Variants in ZNF516 observed in about 807,000 individuals in gnomAD.
The protein encoded by ZNF516 is zinc finger protein 516.
ZNF516 carries 19 observed loss-of-function variants against 79.7 expected under a neutral mutation model. That is an observed-to-expected ratio of 0.24 (90% confidence interval 0.17 to 0.35). The LOEUF is 0.35. ZNF516 is among the 10% of genes least tolerant of loss of function. ZNF516 has a pLI of 1.00. For missense variants in ZNF516, 1,678 were observed against 1,679.5 expected, an observed-to-expected ratio of 1.00 and a Z score of 0.02; for synonymous variants, 877 against 739.5, an observed-to-expected ratio of 1.19 and a Z score of -3.02.
At position 76,443,064 on chromosome 18, in the gene ZNF516, G is replaced by A. The variant is rs772554101; in HGVS notation, c.-10C>T. On this transcript the variant is annotated 5_prime_UTR_variant, in exon 3 of 7. Coordinates refer to ENST00000443185, the MANE Select transcript of ZNF516 (RefSeq NM_014643.4). Reference sequence around the variant, plus strand: ...CTCTGTTGCGATCCATCCGAAGGACGGGCGCGGCCGGTGGTGGCGGCACAG... The same window carrying A: ...CTCTGTTGCGATCCATCCGAAGGACAGGCGCGGCCGGTGGTGGCGGCACAG... 22 of 1,571,706 alleles carry A rather than the reference G, an allele frequency of 1.4e-5. No individual in the cohort carries two copies. The highest frequency in any genetic ancestry group is 3.6e-5 in the Admixed American group (2 of 54,930).
At position 76,490,027 on chromosome 18, in the gene ZNF516, G is replaced by A. The variant is rs773251546; in HGVS notation, c.-272+5117C>T. On this transcript the variant is annotated intron_variant, in intron 1 of 6. Coordinates refer to ENST00000443185, the MANE Select transcript of ZNF516 (RefSeq NM_014643.4). ...CTGGTGTTTCAGTATATTCAAATTA[G>A]CAAATGTTAAGAAAACAAAGCCCTA... is the stretch of plus-strand genomic sequence containing the variant. 5.1e-5 allele frequency: 14 copies of A among 275,002 alleles called. No individual in the cohort carries two copies. In the South Asian group the frequency reaches 5.5e-4, roughly 11 times the overall value. The allele number at this position is 275,002 out of a possible 1,614,324, so 17.0% of individuals were successfully genotyped here.
At position 76,379,492 on chromosome 18, in the gene ZNF516, G is replaced by C. The variant is rs376725899; in HGVS notation, c.2622C>G (p.Pro874=). 1.7e-4 allele frequency: 269 copies of C among 1,613,754 alleles called. 2 individuals are homozygous for C. The African/African-American group carries it at 3.0e-3, about 18-fold the overall frequency. The change falls in exon 4 of 7, where the codon CCC becomes CCG. Residue 874 remains proline, a synonymous_variant. Coordinates refer to ENST00000443185, the MANE Select transcript of ZNF516 (RefSeq NM_014643.4). ...PKNKESHSGG[P]CALWAPGPDG... ...CAGGGCCGGGCGCCCACAGAGCGCA[G>C]GGACCTCCGGAATGGCTCTCCTTAT...
chr18:76,492,057 C>A, intron 1 of ZNF516: 1 of 655,528 alleles, frequency 1.5e-6, no homozygotes, highest in Non-Finnish European at 1.9e-6. Context: ...GGTGGCCGGG[C>A]ACACCCGCGC....
intron 3 of ZNF516, among the ~76,000 whole-genome samples, chr18:76,389,776 G>A (rs1354771071): frequency 1.3e-5 from 2 of 152,136 alleles, no homozygotes; most frequent in Non-Finnish European, 2.9e-5. Context: ...AAAATAGCAA[G>A]CAGCTATTTC....
intron 3 of ZNF516, chr18:76,387,864 C>T (rs574884264): frequency 1.3e-5 from 2 of 152,412 alleles, no homozygotes; most frequent in African/African-American, 4.8e-5. Flanking sequence ...TAAATGGGAA[C>T]AGGTATTCCT....
chr18:76,415,871 A>C (rs571049284), intron 3 of ZNF516, among the ~76,000 whole-genome samples: 6 of 152,230 alleles, frequency 3.9e-5, no homozygotes, highest in Admixed American at 3.9e-4. Context: ...GTATCTTCGA[A>C]AGTTAGCATC....
intron 3 of ZNF516, among the ~76,000 whole-genome samples, chr18:76,426,868 A>C (rs866222800): frequency 6.6e-6 from 1 of 152,230 alleles, no homozygotes; most frequent in African/African-American, 2.4e-5. Context: ...TCATCAGTAC[A>C]GGACAGGGCC....
chr18:76,460,451 C>G (rs1913030409), intron 2 of ZNF516, among the ~76,000 whole-genome samples: 1 of 152,140 alleles, frequency 6.6e-6, no homozygotes, highest in East Asian at 1.9e-4. Context: ...GGGGTACAAT[C>G]TAAATACAAA....
chr18:76,431,535 C>A (rs768395904), intron 3 of ZNF516, among the ~76,000 whole-genome samples: 1 of 152,206 alleles, frequency 6.6e-6, no homozygotes. Flanking sequence ...CCTCATGTTG[C>A]GACCGATTCC....
At chr18:76,430,028 G>A (rs917427080) in intron 3 of ZNF516, among the ~76,000 whole-genome samples, 13 of 152,112 alleles carry the variant, frequency 8.5e-5, no homozygotes, top group African/African-American at 2.2e-4. Context: ...GAAAATTCCC[G>A]AGCCAGTATC....
At chr18:76,391,296 C>T (rs530362604) in intron 3 of ZNF516, among the ~76,000 whole-genome samples, 1 of 152,156 alleles carries the variant, frequency 6.6e-6, no homozygotes, top group East Asian at 1.9e-4. Flanking sequence ...AAACCCTAGC[C>T]ATAGCAGTAG....
At chr18:76,373,513 G>A (rs946643015) in intron 4 of ZNF516, among the ~76,000 whole-genome samples, 2 of 152,184 alleles carry the variant, frequency 1.3e-5, no homozygotes, top group African/African-American at 2.4e-5. Flanking sequence ...ATCTGACCAC[G>A]CCTACACACA....
At chr18:76,465,320 G>C (rs1599133641) in intron 1 of ZNF516, among the ~76,000 whole-genome samples, 1 of 152,350 alleles carries the variant, frequency 6.6e-6, no homozygotes. Context: ...GAACAGGGCA[G>C]AAGAAACAGA....
rs1242547050 is a variant in ZNF516 at position 76,360,144 on chromosome 18, A to T, written c.*2354T>A. On this transcript the variant is annotated 3_prime_UTR_variant, in exon 7 of 7. Coordinates refer to ENST00000443185, the MANE Select transcript of ZNF516 (RefSeq NM_014643.4). ...TCCAGCACGCGGCCGGCAGGGCCCCAGCGCCAGCCCACTCCCCACCAGAGC... is the reference window on the plus strand; with the variant it reads ...TCCAGCACGCGGCCGGCAGGGCCCCTGCGCCAGCCCACTCCCCACCAGAGC... 1 of 152,386 alleles carries T rather than the reference A, an allele frequency of 6.6e-6. No individual in the cohort carries two copies. The highest frequency in any genetic ancestry group is 1.5e-5 in the Non-Finnish European group (1 of 68,210). 9.4% of individuals were successfully genotyped at this position (152,386 alleles called of 1,614,324 possible). A position where few individuals can be genotyped will look rare whatever the true frequency, so the allele number is the denominator to read the frequency against.
chr18:76,435,748 A>C (rs930954425), intron 3 of ZNF516, among the ~76,000 whole-genome samples: 9 of 152,224 alleles, frequency 5.9e-5, no homozygotes, highest in African/African-American at 1.4e-4. Context: ...TCTTCTCTCC[A>C]GGTAGAGCCC....
chr18:76,456,040 G>A (rs996402512), intron 2 of ZNF516, among the ~76,000 whole-genome samples: 1 of 152,188 alleles, frequency 6.6e-6, no homozygotes, highest in African/African-American at 2.4e-5. Context: ...GTAACTCAAG[G>A]AGGATGGTAG....
intron 1 of ZNF516, among the ~76,000 whole-genome samples, chr18:76,473,503 A>G (rs1039279405): frequency 6.6e-6 from 1 of 152,170 alleles, no homozygotes; most frequent in African/African-American, 2.4e-5. Context: ...AAAAAAGGCA[A>G]TTAAACAAAA....
At chr18:76,415,822 C>G (rs749581477) in intron 3 of ZNF516, among the ~76,000 whole-genome samples, 1 of 152,160 alleles carries the variant, frequency 6.6e-6, no homozygotes, top group Non-Finnish European at 1.5e-5. Context: ...ACTCAGGTTC[C>G]GTGAGGCATA....
rs531674563 is a variant in ZNF516 at position 76,462,972 on chromosome 18, G to T, written c.-158+56C>A. 4 of 152,290 alleles carry T rather than the reference G, an allele frequency of 2.6e-5. No individual in the cohort carries two copies. In the South Asian group the frequency reaches 8.3e-4, roughly 32 times the overall value. 9.4% of individuals were successfully genotyped at this position (152,290 alleles called of 1,614,324 possible). A position where few individuals can be genotyped will look rare whatever the true frequency, so the allele number is the denominator to read the frequency against. On this transcript the variant is annotated intron_variant, in intron 2 of 6. Transcript: ENST00000443185. The stretch of plus-strand genomic sequence containing the variant: ...TGTTTTAAGCTTGATTGAAATTCCA[G>T]GTTTGTGAAACAGAAGTCAGACGGA...
Sources: gnomAD v4.1 joint callset for allele counts (sites outside exome capture counted in the v4.1 genomes callset) on GRCh38, gnomAD v4.1.1 for gene constraint, MANE v1.5 for transcripts, NCBI Gene and HGNC (gene_info 2026-07-23, HGNC 2026-07-21) for gene names.